Variants in PMM2 observed in about 807,000 individuals in gnomAD.
PMM2 encodes the protein mannose-6-phosphate isomerase.
In PMM2, 35 loss-of-function variants were observed where a neutral mutation model predicts 33.2. The observed-to-expected ratio is 1.06, with a 90% confidence interval of 0.81 to 1.40. The LOEUF is 1.40. Ranked by LOEUF, PMM2 falls within the 40% of genes most tolerant of loss-of-function variation. The pLI is 0.00. For missense variants in PMM2, 386 were observed against 306.0 expected, an observed-to-expected ratio of 1.26 and a Z score of -1.95; for synonymous variants, 153 against 114.7, an observed-to-expected ratio of 1.33 and a Z score of -2.13.
intron 1 of PMM2, among the ~76,000 whole-genome samples, chr16:8,800,665 CTTTTTTT>C (rs35148703): frequency 7.9e-6 from 1 of 126,646 alleles, no homozygotes; most frequent in African/African-American, 2.8e-5. Context: ...TAAGCTTCTC[CTTTTTTT>C]TTTTTTTTTG....
intron 7 of PMM2, among the ~76,000 whole-genome samples, chr16:8,836,656 T>G (rs1395852933): frequency 6.6e-6 from 1 of 152,032 alleles, no homozygotes; most frequent in Non-Finnish European, 1.5e-5. Flanking sequence ...GTTATGGGGT[T>G]TGAGGGCCAG....
chr16:8,837,260 G>A (rs1354639834), intron 7 of PMM2, among the ~76,000 whole-genome samples: 3 of 151,966 alleles, frequency 2.0e-5, no homozygotes, highest in South Asian at 2.1e-4. Context: ...CCCATTTTAC[G>A]ACAAGAATTA....
intron 7 of PMM2, among the ~76,000 whole-genome samples, chr16:8,845,163 T>G (rs148925533): frequency 6.6e-6 from 1 of 152,144 alleles, no homozygotes. Flanking sequence ...TTAGTTCTTA[T>G]GGGTTTTGGG....
chr16:8,829,024 C>G (rs2060794261), intron 7 of PMM2, among the ~76,000 whole-genome samples: 1 of 152,132 alleles, frequency 6.6e-6, no homozygotes, highest in African/African-American at 2.4e-5. Flanking sequence ...ATTGCCCAGG[C>G]TGGAGTGCAG....
chr16:8,800,180 G>A (rs1195507038), intron 1 of PMM2, among the ~76,000 whole-genome samples: 1 of 152,006 alleles, frequency 6.6e-6, no homozygotes, highest in Non-Finnish European at 1.5e-5. Flanking sequence ...CCAACATGGT[G>A]AAACCCAGTC....
chr16:8,812,717 G>A (rs1051403907), intron 6 of PMM2, among the ~76,000 whole-genome samples: 1 of 152,138 alleles, frequency 6.6e-6, no homozygotes, highest in African/African-American at 2.4e-5. Flanking sequence ...TAAACCACAC[G>A]CTTGACAGGG....
chr16:8,821,096 A>G (rs1418197396), intron 7 of PMM2, among the ~76,000 whole-genome samples: 2 of 152,112 alleles, frequency 1.3e-5, no homozygotes, highest in African/African-American at 4.8e-5. Flanking sequence ...CTGTCTTACT[A>G]CTTATTGCTG....
intron 7 of PMM2, among the ~76,000 whole-genome samples, chr16:8,816,053 C>T (rs1313905182): frequency 6.6e-6 from 1 of 152,052 alleles, no homozygotes; most frequent in Non-Finnish European, 1.5e-5. Context: ...TAAAAAAAGG[C>T]TCAACATCAG....
intron 7 of PMM2, among the ~76,000 whole-genome samples, chr16:8,839,510 CTA>C (rs1403231210): frequency 6.6e-6 from 1 of 151,950 alleles, no homozygotes; most frequent in Non-Finnish European, 1.5e-5. Flanking sequence ...CAACCTTTCA[CTA>C]TTATTTTCGG....
At chr16:8,833,603 G>A (rs375160519) in intron 7 of PMM2, among the ~76,000 whole-genome samples, 44 of 151,700 alleles carry the variant, frequency 2.9e-4, no homozygotes, top group African/African-American at 9.2e-4. Context: ...TAGGGGCGGC[G>A]TGGGAACCTA....
At chr16:8,802,321 G>A (rs1461441305) in intron 2 of PMM2, 2 of 455,856 alleles carry the variant, frequency 4.4e-6, no homozygotes, top group Non-Finnish European at 8.8e-6. Flanking sequence ...AAAAACCAGA[G>A]AGGCTTATTG....
At chr16:8,816,796 C>T (rs578153862) in intron 7 of PMM2, among the ~76,000 whole-genome samples, 1 of 152,218 alleles carries the variant, frequency 6.6e-6, no homozygotes, top group East Asian at 1.9e-4. Context: ...CCCTTGTACA[C>T]TGTTGTGGGA....
intron 7 of PMM2, among the ~76,000 whole-genome samples, chr16:8,820,713 GTGACGCAGGGCC>G (rs2060734229): frequency 6.6e-6 from 1 of 152,198 alleles, no homozygotes. Flanking sequence ...AGGAAAGTGG[GTGACGCAGGGCC>G]TGACTCAGGA....
In PMM2 at chr16:8,819,934, A is replaced by G. The variant is rs116637854; in HGVS notation, c.639+6828A>G. On this transcript the variant is annotated intron_variant, in intron 7 of 7. Transcript: ENST00000268261. Reference sequence around the variant, plus strand: ...AAAGCCTCGCCTCTGTCATTCTCCTACATCGCTTCTAACATGCTACCTGCC... The same window carrying G: ...AAAGCCTCGCCTCTGTCATTCTCCTGCATCGCTTCTAACATGCTACCTGCC... Among the ~76,000 whole-genome samples, 1,351 of 152,316 alleles carry G rather than the reference A, an allele frequency of 8.9e-3. 34 individuals carry two copies. The highest frequency in any genetic ancestry group is 0.031 in the African/African-American group (1,284 of 41,560).
intron 7 of PMM2, among the ~76,000 whole-genome samples, chr16:8,843,275 C>A (rs1245698522): frequency 6.6e-6 from 1 of 152,038 alleles, no homozygotes; most frequent in Non-Finnish European, 1.5e-5. Flanking sequence ...GGTGGACTTA[C>A]CCTCCACTGT....
At chr16:8,804,022 G>GTT (rs770345977) in intron 2 of PMM2, among the ~76,000 whole-genome samples, 9 of 25,986 alleles carry the variant, frequency 3.5e-4, no homozygotes, top group African/African-American at 1.2e-3. Flanking sequence ...TGTTTTTTGG[G>GTT]TTTTTTTTGT....
At chr16:8,831,087 C>T (rs998797087) in intron 7 of PMM2, among the ~76,000 whole-genome samples, 10 of 152,016 alleles carry the variant, frequency 6.6e-5, no homozygotes, top group African/African-American at 2.2e-4. Context: ...TCCAGTGAGC[C>T]GAGAGTGTGC....
chr16:8,835,793 T>A (rs536009593), intron 7 of PMM2, among the ~76,000 whole-genome samples: 2 of 151,806 alleles, frequency 1.3e-5, no homozygotes, highest in Admixed American at 1.3e-4. Flanking sequence ...TAAGGGTGAT[T>A]AGGTTTTAAT....
At chr16:8,810,918 A>G (rs759334831) in intron 4 of PMM2, 161 bp from the exon 5 acceptor site, 5 of 660,210 alleles carry the variant, frequency 7.6e-6, no homozygotes, top group Non-Finnish European at 1.4e-5. Context: ...CTTAATAGTC[A>G]CAGTAGTTCA....
Sources: allele counts gnomAD v4.1 joint callset (sites outside exome capture counted in the v4.1 genomes callset), GRCh38; gene constraint gnomAD v4.1.1; transcripts MANE v1.5; gene names NCBI Gene and HGNC (gene_info 2026-07-23, HGNC 2026-07-21).